CNST: variants seen among roughly 807,000 people sequenced by gnomAD.
CNST encodes consortin, connexin sorting protein.
CNST carries 39 observed loss-of-function variants against 72.4 expected under a neutral mutation model. The observed-to-expected ratio is 0.54, with a 90% CI of 0.42 to 0.70. CNST has a LOEUF of 0.70. CNST is among the 30% of genes least tolerant of loss of function. The pLI is 0.00. For missense variants in CNST, 871 were observed against 868.5 expected (o/e 1.00, Z -0.04); for synonymous variants, 332 against 320.1 (o/e 1.04, Z -0.40).
chr1:246,640,098 C>G (rs577252934), intron 6 of CNST, among the ~76,000 whole-genome samples: 1 of 152,172 alleles, frequency 6.6e-6, no homozygotes, highest in Admixed American at 6.5e-5. Context: ...GAGAATCTTT[C>G]ATTTATTACA....
intron 2 of CNST, chr1:246,606,142 C>A (rs556412401): frequency 1.3e-5 from 2 of 152,402 alleles, no homozygotes; most frequent in African/African-American, 4.8e-5. Context: ...TCCATCGTGT[C>A]GTTGTAGCAG....
At chr1:246,624,443 T>C (rs1316980366) in intron 3 of CNST, among the ~76,000 whole-genome samples, 1 of 152,246 alleles carries the variant, frequency 6.6e-6, no homozygotes, top group Non-Finnish European at 1.5e-5. Flanking sequence ...ACTTAACATA[T>C]GTTTGACGTA....
At chr1:246,571,825 TG>T in intron 1 of CNST, among the ~76,000 whole-genome samples, 1 of 152,348 alleles carries the variant, frequency 6.6e-6, no homozygotes, top group South Asian at 2.1e-4. Context: ...CACCCTTCAT[TG>T]ACATTTGGGC....
At chr1:246,629,895 C>A (rs1196631311) in intron 3 of CNST, among the ~76,000 whole-genome samples, 1 of 152,208 alleles carries the variant, frequency 6.6e-6, no homozygotes, top group Admixed American at 6.5e-5. Flanking sequence ...CCACACCCAG[C>A]TAATTTTTGT....
intron 2 of CNST, among the ~76,000 whole-genome samples, chr1:246,603,247 A>G (rs919241501): frequency 3.9e-5 from 6 of 152,256 alleles, no homozygotes; most frequent in East Asian, 3.8e-4. Context: ...CTGATTTTAT[A>G]GGACTCAGAT....
intron 3 of CNST, among the ~76,000 whole-genome samples, chr1:246,626,029 G>A (rs2103086123): frequency 6.6e-6 from 1 of 151,622 alleles, no homozygotes; most frequent in East Asian, 1.9e-4. Flanking sequence ...ACTTGGCCAT[G>A]CCTTCTCCGG....
chr1:246,646,078 A>G (rs1376599396), intron 8 of CNST, among the ~76,000 whole-genome samples: 12 of 151,690 alleles, frequency 7.9e-5, no homozygotes, highest in Non-Finnish European at 1.2e-4. Context: ...AGGAGATCTA[A>G]ACCATCCTGG....
intron 3 of CNST, among the ~76,000 whole-genome samples, chr1:246,627,369 C>T (rs1664505190): frequency 6.6e-6 from 1 of 152,260 alleles, no homozygotes; most frequent in Non-Finnish European, 1.5e-5. Flanking sequence ...CACTGGCCTT[C>T]TGACAGCTTC....
Position 246,621,556 on chromosome 1 carries a change from T to C in CNST, c.507T>C (p.Val169=). 6.2e-7 allele frequency: 1 copy of C among 1,614,194 alleles called. No homozygotes were observed. Among genetic ancestry groups the C allele is most frequent in the East Asian group, 2.2e-5 (1 of 44,890 alleles). Reference sequence around the variant, plus strand: ...AGCAGCCAGAGGCGCCAAAGCTTGTTCTGCAGTCTCTGTTTTCACTTATAC... The same window carrying C: ...AGCAGCCAGAGGCGCCAAAGCTTGTCCTGCAGTCTCTGTTTTCACTTATAC... The part of the protein sequence containing the change: ...ANEQPEAPKL[V]LQSLFSLIRG... The change falls in exon 3 of 11, where the codon GTT becomes GTC. Residue 169 remains valine (V), a synonymous_variant. Coordinates refer to ENST00000366513, the MANE Select transcript of CNST (RefSeq NM_152609.3).
intron 6 of CNST, among the ~76,000 whole-genome samples, chr1:246,639,802 C>T (rs1665559756): frequency 6.6e-6 from 1 of 152,170 alleles, no homozygotes; most frequent in East Asian, 1.9e-4. Context: ...TAATGAGCAC[C>T]TGGGTATAGA....
At chr1:246,573,624 G>A (rs1933131) in intron 1 of CNST, among the ~76,000 whole-genome samples, 148,509 of 152,276 alleles carry the variant, frequency 0.98, 72,518 homozygotes, top group East Asian at 1. Context: ...GCTTTAACCT[G>A]TGTGTCCATG....
intron 2 of CNST, among the ~76,000 whole-genome samples, chr1:246,615,644 C>T (rs988036004): frequency 6.6e-5 from 10 of 150,494 alleles, no homozygotes; most frequent in Admixed American, 1.3e-4. Flanking sequence ...TTTGGGAGGC[C>T]GAGGCAGGTG....
rs1420449566 is a variant in CNST, at chr1:246,666,070, A to C, written c.*165A>C. 3.4e-6 allele frequency: 2 copies of C among 593,774 alleles called. No homozygotes were observed. The highest frequency in any genetic ancestry group is 6.0e-6 in the Non-Finnish European group (2 of 334,938). 36.8% of individuals were successfully genotyped at this position (593,774 alleles called of 1,614,324 possible). The stretch of plus-strand genomic sequence containing the variant: ...GGCAAGCCGGAGGAACTCTGTTAGA[A>C]TAATCCACACAGTGAGGCAAATATC... On this transcript the variant is annotated 3_prime_UTR_variant, in exon 11 of 11. Transcript: ENST00000366513.
intron 2 of CNST, among the ~76,000 whole-genome samples, chr1:246,609,709 C>T (rs7526300): frequency 2.0e-5 from 3 of 152,156 alleles, no homozygotes; most frequent in South Asian, 2.1e-4. Context: ...CCACATCAAG[C>T]GTGTGTTAAA....
intron 9 of CNST, among the ~76,000 whole-genome samples, chr1:246,658,977 T>G (rs1238786914): frequency 6.6e-6 from 1 of 152,134 alleles, no homozygotes; most frequent in Non-Finnish European, 1.5e-5. Context: ...GGGTTTTTGG[T>G]TTTGTTTCTA....
At chr1:246,656,587 A>G (rs1219710314) in intron 9 of CNST, among the ~76,000 whole-genome samples, 1 of 152,194 alleles carries the variant, frequency 6.6e-6, no homozygotes, top group Non-Finnish European at 1.5e-5. Context: ...ATTTTTTGAG[A>G]TTTAAAAATT....
chr1:246,608,350 AAAAG>A (rs1263526999), intron 2 of CNST, among the ~76,000 whole-genome samples: 1 of 152,142 alleles, frequency 6.6e-6, no homozygotes, highest in African/African-American at 2.4e-5. Flanking sequence ...GTTTTTTTAA[AAAAG>A]AAGAGGTTTA....
intron 3 of CNST, 113 bp downstream of exon 3, chr1:246,621,747 C>A: frequency 2.2e-6 from 2 of 926,728 alleles, no homozygotes; most frequent in African/African-American, 1.6e-5. Flanking sequence ...GTAATCCCAG[C>A]ATTTTGGGAG....
intron 9 of CNST, among the ~76,000 whole-genome samples, chr1:246,653,522 A>G (rs993615421): frequency 1.3e-5 from 2 of 152,248 alleles, no homozygotes; most frequent in Non-Finnish European, 2.9e-5. Flanking sequence ...CAGTCTTCCA[A>G]TAATGTAAGA....
Sources: allele counts gnomAD v4.1 joint callset (sites outside exome capture counted in the v4.1 genomes callset), GRCh38; gene constraint gnomAD v4.1.1; transcripts MANE v1.5; gene names NCBI Gene and HGNC (gene_info 2026-07-23, HGNC 2026-07-21).